LMO2: variants seen among roughly 807,000 people sequenced by gnomAD.
The protein encoded by LMO2 is LIM domain only 2.
Under a neutral mutation model 23.2 loss-of-function variants are expected in LMO2, and 20 were observed. The ratio of observed to expected loss-of-function variants is 0.86; its 90% CI spans 0.61 to 1.25. The LOEUF (loss-of-function observed/expected upper bound fraction) is 1.25, where lower values mean the gene tolerates loss of function less well. LMO2 is among the 50% of genes most tolerant of loss of function. LMO2 has a pLI of 0.00. For missense variants in LMO2, 270 were observed against 315.3 expected (o/e 0.86, Z 1.09); for synonymous variants, 123 against 130.2 (o/e 0.94, Z 0.38).
chr11:33,869,494 C>A lies in LMO2; in HGVS notation c.100G>T (p.Gly34Cys). The A allele has an allele frequency of 8.3e-7, 1 of 1,201,812 alleles. No homozygotes were observed. Among genetic ancestry groups the A allele is most frequent in the Non-Finnish European group, 1.0e-6 (1 of 964,726 alleles). 74.4% of individuals were successfully genotyped at this position (1,201,812 alleles called of 1,614,324 possible). The change falls in exon 4 of 6, where the codon GGC (glycine) becomes TGC (cysteine). Residue 34 changes from glycine (G) to cysteine (C), a missense_variant. Physicochemically the swap from Gly to Cys is radical, Grantham distance 159. This residue lies in a region of LMO2 where 170 missense variants were observed against 162.0 expected (regional missense o/e 1.05). Coordinates refer to ENST00000257818, the MANE Select transcript of LMO2 (RefSeq NM_005574.4). ...RRRRSGGDGG[G>C]GGGARAPEGV... ...TCGGGTGCTCGGGCGCCGCCGCCGC[C>A]GCCGCCGTCGCCGCCGCTCCTGCGC...
intron 1 of LMO2, among the ~76,000 whole-genome samples, chr11:33,890,603 T>C (rs1296424486): frequency 6.6e-6 from 1 of 152,198 alleles, no homozygotes; most frequent in Non-Finnish European, 1.5e-5. Flanking sequence ...CTGCCTGCCT[T>C]GGCCTCCCAA....
At position 33,869,486 on chromosome 11, in the gene LMO2, G is replaced by A. The variant is rs1164841254; in HGVS notation, c.108C>T (p.Gly36=). The A allele has an allele frequency of 7.5e-6, 9 of 1,200,232 alleles. No individual in the cohort carries two copies. The highest frequency in any genetic ancestry group is 3.3e-5 in the African/African-American group (2 of 61,470). 74.3% of individuals were successfully genotyped at this position (1,200,232 alleles called of 1,614,324 possible). The change falls in exon 4 of 6, where the codon GGC becomes GGT. Residue 36 remains glycine, a synonymous_variant. Transcript: ENST00000257818. The part of the protein sequence containing the change: ...RRSGGDGGGG[G]GARAPEGVRA... ...GGACCCCCTCGGGTGCTCGGGCGCC[G>A]CCGCCGCCGCCGCCGTCGCCGCCGC...
intron 2 of LMO2, chr11:33,870,635 G>A (rs1218650811): frequency 1.1e-6 from 1 of 940,562 alleles, no homozygotes; most frequent in Non-Finnish European, 1.3e-6. Flanking sequence ...GCGGGGCCGG[G>A]GCTCCTCTCA....
At chr11:33,886,833 C>T (rs1590658676) in intron 1 of LMO2, among the ~76,000 whole-genome samples, 1 of 152,176 alleles carries the variant, frequency 6.6e-6, no homozygotes, top group East Asian at 1.9e-4. Context: ...CCCTGTGGAA[C>T]AAGCTTAACA....
At chr11:33,886,129 T>G (rs1251443227) in intron 1 of LMO2, among the ~76,000 whole-genome samples, 1 of 152,138 alleles carries the variant, frequency 6.6e-6, no homozygotes, top group Admixed American at 6.5e-5. Flanking sequence ...CCACCTGCCT[T>G]GGCCTCCCAA....
chr11:33,869,796 CCCGCCCGG>C lies in LMO2; in HGVS notation c.-88_-81del. 8.9e-7 allele frequency: 1 copy of C among 1,126,260 alleles called. No homozygotes were observed. Among genetic ancestry groups the C allele is most frequent in the Non-Finnish European group, 1.1e-6 (1 of 921,730 alleles). The allele number at this position is 1,126,260 out of a possible 1,614,324, so 69.8% of individuals were successfully genotyped here. The stretch of plus-strand genomic sequence containing the variant: ...GCGCCGCCCGCGGGGATGGTGTGCG[CCCGCCCGG>C]CCGCCCGGAGCCCCTCGCACCTTCG... On this transcript the variant is annotated 5_prime_UTR_variant, in exon 3 of 6. Transcript: ENST00000257818.
At position 33,869,947 on chromosome 11, in the gene LMO2, T is replaced by A. The variant is rs1311442475; in HGVS notation, c.-231A>T. The A allele has an allele frequency of 5.7e-6, 6 of 1,044,760 alleles. No individual in the cohort carries two copies. In the African/African-American group the frequency reaches 8.5e-5, roughly 15 times the overall value. 64.7% of individuals were successfully genotyped at this position (1,044,760 alleles called of 1,614,324 possible). ...CCTCCTCTCTCGGGAAGGTCTATTTTCGCTCAGCTTCCCTCTGTCTCTGGT... is the reference window on the plus strand; with the variant it reads ...CCTCCTCTCTCGGGAAGGTCTATTTACGCTCAGCTTCCCTCTGTCTCTGGT... On this transcript the variant is annotated 5_prime_UTR_variant, in exon 3 of 6. Transcript: ENST00000257818.
chr11:33,891,195 AC>A (rs1857537259), intron 1 of LMO2, among the ~76,000 whole-genome samples: 1 of 152,140 alleles, frequency 6.6e-6, no homozygotes, highest in Non-Finnish European at 1.5e-5. Context: ...TTTCAAAAAC[AC>A]CCTTTGAAGT....
At chr11:33,866,788 G>C (rs1856802131) in intron 4 of LMO2, among the ~76,000 whole-genome samples, 1 of 152,176 alleles carries the variant, frequency 6.6e-6, no homozygotes, top group African/African-American at 2.4e-5. Flanking sequence ...TGGGATTACA[G>C]GTGTCCACCA....
rs773617027 is a variant in LMO2, at chr11:33,859,512, T to C, written c.528A>G (p.Thr176=). The change falls in exon 6 of 6, where the codon ACA becomes ACG. Residue 176 remains threonine (T), a synonymous_variant. Transcript: ENST00000257818. ...GATACACTTTGTCTTTCACCCGCAT[T>C]GTCATCTCATAGGCACGAATCCGCT... ...CDKRIRAYEM[T]MRVKDKVYHL... is the part of the protein sequence containing the mutation. 10 of 1,613,926 alleles carry C rather than the reference T, an allele frequency of 6.2e-6. 1 individual carries two copies. The South Asian group carries it at 9.9e-5, about 16-fold the overall frequency.
At chr11:33,878,726 A>G (rs941388163) in intron 2 of LMO2, among the ~76,000 whole-genome samples, 1 of 152,140 alleles carries the variant, frequency 6.6e-6, no homozygotes, top group Non-Finnish European at 1.5e-5. Flanking sequence ...CATGGTGGTG[A>G]TCCCTTTCTG....
intron 4 of LMO2, among the ~76,000 whole-genome samples, chr11:33,866,735 T>A (rs1856800085): frequency 6.6e-6 from 1 of 152,210 alleles, no homozygotes; most frequent in South Asian, 2.1e-4. Flanking sequence ...AACCTCCACC[T>A]CCTGGGTTCA....
intron 2 of LMO2, among the ~76,000 whole-genome samples, chr11:33,877,862 A>G (rs576970174): frequency 1.2e-5 from 1 of 84,588 alleles, no homozygotes; most frequent in African/African-American, 3.5e-5. Flanking sequence ...TGAGGGAGGT[A>G]TCCTTTGGCA....
intron 1 of LMO2, among the ~76,000 whole-genome samples, chr11:33,882,682 T>C (rs1366935182): frequency 3.9e-5 from 6 of 152,240 alleles, no homozygotes; most frequent in Non-Finnish European, 7.3e-5. Context: ...CTACCTTTTA[T>C]TGAGCACTTA....
intron 1 of LMO2, among the ~76,000 whole-genome samples, chr11:33,891,011 G>C (rs1395674598): frequency 6.6e-6 from 1 of 152,146 alleles, no homozygotes; most frequent in East Asian, 1.9e-4. Context: ...ATTACGGCAA[G>C]AACCTGGAGT....
chr11:33,869,087 G>A (rs1022234356), intron 4 of LMO2, among the ~76,000 whole-genome samples: 2 of 152,220 alleles, frequency 1.3e-5, no homozygotes, highest in African/African-American at 4.8e-5. Context: ...GTGGCTTTGG[G>A]GAGCGTCCCA....
At chr11:33,866,906 C>A (rs2133694267) in intron 4 of LMO2, among the ~76,000 whole-genome samples, 1 of 152,300 alleles carries the variant, frequency 6.6e-6, no homozygotes, top group South Asian at 2.1e-4. Flanking sequence ...ACTGCCATTT[C>A]CCCTTCTAAT....
intron 2 of LMO2, chr11:33,881,187 C>A (rs946763201): frequency 4.4e-6 from 2 of 457,002 alleles, no homozygotes; most frequent in Admixed American, 4.7e-5. Context: ...CCAAAGACTT[C>A]GAGACTGCCG....
At chr11:33,887,035 G>C (rs940252370) in intron 1 of LMO2, among the ~76,000 whole-genome samples, 3 of 152,326 alleles carry the variant, frequency 2.0e-5, no homozygotes, top group Admixed American at 6.5e-5. Flanking sequence ...AAAGATATAG[G>C]AATGAAGGAT....
Sources: allele counts gnomAD v4.1 joint callset (sites outside exome capture counted in the v4.1 genomes callset), GRCh38; gene constraint gnomAD v4.1.1; regional missense constraint gnomAD v4.1.1; transcripts MANE v1.5; gene names NCBI Gene and HGNC (gene_info 2026-07-23, HGNC 2026-07-21).